The following IGSF22 variants were observed in gnomAD, a reference collection of about 807,000 sequenced individuals.
IGSF22 encodes the protein immunoglobulin superfamily member 22.
A neutral mutation model predicts 127.0 loss-of-function variants in IGSF22; 119 were observed. The observed-to-expected ratio is 0.94, with a 90% confidence interval of 0.81 to 1.09. IGSF22 has a LOEUF of 1.09. Ranked by LOEUF, IGSF22 falls within the 50% of genes least tolerant of loss-of-function variation. IGSF22 has a pLI of 0.00. For synonymous variants in IGSF22, 568 were observed against 664.7 expected (o/e 0.85, Z 2.24); for missense variants, 1,518 against 1,716.6 (o/e 0.88, Z 2.04).
intron 22 of IGSF22, chr11:18,705,305 A>G (rs576353669): frequency 6.4e-6 from 1 of 155,040 alleles, no homozygotes; most frequent in South Asian, 2.0e-4. Context: ...AAGGAATAAA[A>G]TGCTTCCCCC....
chr11:18,722,189 G>T, intron 2 of IGSF22, 148 bp from the exon 3 acceptor site: 1 of 902,180 alleles, frequency 1.1e-6, no homozygotes, highest in Non-Finnish European at 1.7e-6. Flanking sequence ...TGGGGAGAAA[G>T]CAGGGTGAGT....
chr11:18,707,579 T>C (rs138213886), intron 20 of IGSF22, among the ~76,000 whole-genome samples: 3 of 152,316 alleles, frequency 2.0e-5, no homozygotes, highest in African/African-American at 7.2e-5. Context: ...GTCACCCCAA[T>C]TTTTAATGGA....
At chr11:18,724,477 CA>C (rs1431823809) in intron 1 of IGSF22, among the ~76,000 whole-genome samples, 2 of 152,144 alleles carry the variant, frequency 1.3e-5, no homozygotes, top group Non-Finnish European at 2.9e-5. Context: ...TGAGTAACTC[CA>C]AACTATTCCA....
At chr11:18,722,563 G>A (rs538000614) in intron 2 of IGSF22, among the ~76,000 whole-genome samples, 1 of 152,140 alleles carries the variant, frequency 6.6e-6, no homozygotes, top group South Asian at 2.1e-4. Flanking sequence ...CTATATATGG[G>A]AATATCCTTA....
chr11:18,719,329 T>G (rs201919094), intron 7 of IGSF22, among the ~76,000 whole-genome samples: 15 of 100,818 alleles, frequency 1.5e-4, no homozygotes, highest in African/African-American at 4.5e-4. Flanking sequence ...TGTTTTTTTT[T>G]GTTTTTTTTG....
intron 4 of IGSF22, 77 bp downstream of exon 4, chr11:18,721,458 G>A (rs1848570237): frequency 3.1e-6 from 5 of 1,590,962 alleles, no homozygotes; most frequent in Non-Finnish European, 4.3e-6. Context: ...TCTCATCGGT[G>A]AGAAGACTGG....
chr11:18,725,334 G>C (rs1029054931), intron 1 of IGSF22, among the ~76,000 whole-genome samples: 10 of 152,136 alleles, frequency 6.6e-5, no homozygotes, highest in Admixed American at 4.6e-4. Context: ...CATCTTGTTG[G>C]CCAGGCTGGT....
intron 2 of IGSF22, 103 bp downstream of exon 2, chr11:18,724,016 TTGTGGGCTC>T: frequency 1.4e-6 from 1 of 731,212 alleles, no homozygotes; most frequent in Non-Finnish European, 2.4e-6. Flanking sequence ...GCTGTTGGTA[TTGTGGGCTC>T]CAGAGGGGCC....
rs760855177 is a variant in IGSF22, at chr11:18,713,860, C to T, written c.2087G>A (p.Ser696Asn). The T allele has an allele frequency of 9.9e-6, 16 of 1,612,542 alleles. No individual in the cohort carries two copies. Among genetic ancestry groups the T allele is most frequent in the Non-Finnish European group, 3.4e-6 (4 of 1,179,354 alleles). ...ACTGGCCCTGCCCTGACCCAGCACA[C>T]TAAGGTGCAGAGTGGCCGTGGCTGA... ...HGSATATLHLSVLDRPKPPQG... is the reference protein window; with the variant it reads ...HGSATATLHLNVLDRPKPPQG... The change falls in exon 14 of 23, where the codon AGT becomes AAT. Residue 696 changes from serine to asparagine, a missense_variant. Coordinates refer to ENST00000513874, the MANE Select transcript of IGSF22 (RefSeq NM_173588.4).
chr11:18,705,172 G>T (rs967582084), intron 22 of IGSF22, among the ~76,000 whole-genome samples: 1 of 152,184 alleles, frequency 6.6e-6, no homozygotes, highest in Admixed American at 6.5e-5. Flanking sequence ...AAACCTTCTT[G>T]GTTTGGGATT....
Position 18,705,734 on chromosome 11 carries a change from G to C in IGSF22, c.3910+83C>G, listed in dbSNP as rs1173541769. 2.7e-5 allele frequency: 34 copies of C among 1,272,198 alleles called. No individual in the cohort carries two copies. In the Admixed American group the frequency reaches 7.8e-4, roughly 29 times the overall value. The allele number at this position is 1,272,198 out of a possible 1,614,324, so 78.8% of individuals were successfully genotyped here. ...GCAGTCAGATTAAAAAACGGTGCCAGCCAAATAGTTGACCAATGGCCCACA... is the reference window on the plus strand; with the variant it reads ...GCAGTCAGATTAAAAAACGGTGCCACCCAAATAGTTGACCAATGGCCCACA... On this transcript the variant is annotated intron_variant, in intron 22 of 22. Coordinates refer to ENST00000513874, the MANE Select transcript of IGSF22 (RefSeq NM_173588.4).
intron 9 of IGSF22, among the ~76,000 whole-genome samples, chr11:18,717,633 A>G (rs1464396891): frequency 6.6e-6 from 1 of 152,076 alleles, no homozygotes; most frequent in African/African-American, 2.4e-5. Flanking sequence ...TTTGGTGTCA[A>G]ACGGTTCTCC....
rs747398818 is a variant in IGSF22 at position 18,709,503 on chromosome 11, G to A, written c.2882C>T (p.Thr961Ile). Residue 961 changes from threonine to isoleucine, a missense_variant, in exon 18 of 23, where the codon ACA becomes ATA. By Grantham distance (89) the Thr-to-Ile change is moderately conservative (BLOSUM62 -1). Coordinates refer to ENST00000513874, the MANE Select transcript of IGSF22 (RefSeq NM_173588.4). The surrounding 1 kb of genome is among the most constrained non-coding windows in gnomAD (Gnocchi z 4.8). ...TKIPISGTCY[T>I]VGGLIERQKY... is the part of the protein sequence containing the mutation. ...CTGCCTCTCGATGAGTCCTCCCACT[G>A]TGTAGCAGGTGCCTGAGATGGGGAT... 6.2e-7 allele frequency: 1 copy of A among 1,614,178 alleles called. No individual in the cohort carries two copies. Among genetic ancestry groups the A allele is most frequent in the Non-Finnish European group, 8.5e-7 (1 of 1,180,034 alleles).
chr11:18,711,493 G>A (rs557190439), intron 15 of IGSF22, among the ~76,000 whole-genome samples: 352 of 152,256 alleles, frequency 2.3e-3, no homozygotes, highest in Non-Finnish European at 4.6e-3. Flanking sequence ...TGCCTCCCAG[G>A]TTCAAGCAAT....
Position 18,710,384 on chromosome 11 carries a change from C to G in IGSF22, c.2644G>C (p.Ala882Pro), listed in dbSNP as rs376033718. 3 of 1,614,182 alleles carry G rather than the reference C, an allele frequency of 1.9e-6. No homozygotes were observed. The highest frequency in any genetic ancestry group is 2.5e-6 in the Non-Finnish European group (3 of 1,180,032). ...GGCACACTGGGCTGTCCAGGGCCTGCCTTATTTACAGCTATAACTCGGAAT... is the reference window on the plus strand; with the variant it reads ...GGCACACTGGGCTGTCCAGGGCCTGGCTTATTTACAGCTATAACTCGGAAT... ...YEFRVIAVNK[A>P]GPGQPSVPSS... Residue 882 changes from alanine to proline, a missense_variant, in exon 17 of 23, where the codon GCA becomes CCA. Coordinates refer to ENST00000513874, the MANE Select transcript of IGSF22 (RefSeq NM_173588.4).
intron 2 of IGSF22, among the ~76,000 whole-genome samples, 199 bp downstream of exon 2, chr11:18,723,929 A>T (rs1848611702): frequency 6.6e-6 from 1 of 152,164 alleles, no homozygotes; most frequent in Non-Finnish European, 1.5e-5. Context: ...TTTCCTGGAG[A>T]TCTGATCTGT....
Position 18,724,286 on chromosome 11 carries a change from G to A in IGSF22, c.-33-17C>T. ...CCTGTGAGACTGGGGAAGAGGATGAGGCCATGAAGGACAAGACAGGGAGTA... is the reference window on the plus strand; with the variant it reads ...CCTGTGAGACTGGGGAAGAGGATGAAGCCATGAAGGACAAGACAGGGAGTA... On this transcript the variant is annotated splice_polypyrimidine_tract_variant and intron_variant, in intron 1 of 22. Transcript: ENST00000513874. The A allele has an allele frequency of 7.5e-7, 1 of 1,324,812 alleles. No homozygotes were observed. Among genetic ancestry groups the A allele is most frequent in the Non-Finnish European group, 1.1e-6 (1 of 920,156 alleles). 82.1% of individuals were successfully genotyped at this position (1,324,812 alleles called of 1,614,324 possible).
chr11:18,722,772 C>T (rs1171638044), intron 2 of IGSF22, among the ~76,000 whole-genome samples: 1 of 152,194 alleles, frequency 6.6e-6, no homozygotes, highest in Non-Finnish European at 1.5e-5. Context: ...ATTCCATCTT[C>T]ACAGCATCCC....
intron 4 of IGSF22, among the ~76,000 whole-genome samples, chr11:18,720,803 TG>T (rs1455160640): frequency 6.6e-6 from 1 of 152,106 alleles, no homozygotes; most frequent in African/African-American, 2.4e-5. Context: ...TCAGGGGGAC[TG>T]GGGCAGCTCG....
Sources: gnomAD v4.1 joint callset for allele counts (sites outside exome capture counted in the v4.1 genomes callset) on GRCh38, gnomAD v4.1.1 for gene constraint, Gnocchi (gnomAD v3.1) non-coding constraint, MANE v1.5 for transcripts, NCBI Gene and HGNC (gene_info 2026-07-23, HGNC 2026-07-21) for gene names.